The following CLIP1 variants were observed in gnomAD, a reference collection of about 807,000 sequenced individuals.
The protein encoded by CLIP1 is CAP-Gly domain-containing linker protein 1.
A neutral mutation model predicts 161.6 loss-of-function variants in CLIP1; 66 were observed. The observed-to-expected ratio is 0.41, with a 90% CI of 0.33 to 0.50. CLIP1 has a LOEUF of 0.50. Ranked by LOEUF, CLIP1 falls within the 20% of genes least tolerant of loss-of-function variation. The probability of loss-of-function intolerance (pLI) is 0.27; values close to 1 mark genes in which losing one functional copy is unlikely to be tolerated. For synonymous variants in CLIP1, 598 were observed against 626.2 expected (o/e 0.96, Z 0.67); for missense variants, 1,376 against 1,702.0 (o/e 0.81, Z 3.37).
intron 15 of CLIP1, among the ~76,000 whole-genome samples, chr12:122,332,042 A>T (rs1216977710): frequency 1.3e-5 from 2 of 152,032 alleles, no homozygotes; most frequent in African/African-American, 4.8e-5. Flanking sequence ...ACGGTGGCTC[A>T]TGCCTGTAAT....
At chr12:122,380,261 T>C in intron 2 of CLIP1, 107 bp downstream of exon 2, 1 of 708,796 alleles carries the variant, frequency 1.4e-6, no homozygotes, top group Non-Finnish European at 2.2e-6. Context: ...AAAAAAATCT[T>C]TCAAATATTT....
At chr12:122,371,694 A>T (rs1469850845) in intron 3 of CLIP1, among the ~76,000 whole-genome samples, 2 of 152,154 alleles carry the variant, frequency 1.3e-5, no homozygotes, top group African/African-American at 4.8e-5. Context: ...GGCGAGGAGG[A>T]TGGACAGTGA....
intron 24 of CLIP1, chr12:122,276,708 T>C (rs1025338180): frequency 1.3e-4 from 37 of 275,300 alleles, no homozygotes; most frequent in Non-Finnish European, 2.3e-4. Flanking sequence ...GACTAATACA[T>C]ACAAAGTATA....
intron 21 of CLIP1, among the ~76,000 whole-genome samples, chr12:122,286,664 A>G (rs1414375197): frequency 6.6e-6 from 1 of 151,986 alleles, no homozygotes; most frequent in African/African-American, 2.4e-5. Flanking sequence ...AAAAAAGGAA[A>G]GGCAGCCTGG....
intron 5 of CLIP1, among the ~76,000 whole-genome samples, chr12:122,358,251 AAG>A (rs1953591321): frequency 6.6e-6 from 1 of 151,276 alleles, no homozygotes; most frequent in South Asian, 2.1e-4. Context: ...CATGCTCGTT[AAG>A]AGTCATCACC....
At chr12:122,330,937 ACCAGACTGC>A (rs1951931455) in intron 15 of CLIP1, among the ~76,000 whole-genome samples, 1 of 151,802 alleles carries the variant, frequency 6.6e-6, no homozygotes, top group Admixed American at 6.6e-5. Flanking sequence ...GGGCTCTGGG[ACCAGACTGC>A]CCAGATCTGA....
chr12:122,393,140 A>G (rs1955734592), intron 1 of CLIP1, among the ~76,000 whole-genome samples: 3 of 151,664 alleles, frequency 2.0e-5, no homozygotes. Context: ...CCCTGTGGCT[A>G]AAATTCACTG....
Position 122,361,001 on chromosome 12 carries a change from T to C in CLIP1, c.963A>G (p.Ser321=). The change falls in exon 5 of 26, where the codon TCA becomes TCG. Residue 321 remains serine, a synonymous_variant. Coordinates refer to ENST00000620786, the MANE Select transcript of CLIP1 (RefSeq NM_001247997.2). ...GCCTGCTGCTCACAGAGGAGGCCAC[T>C]GAGCTCATGGAGCTGAGGGAAGAGG... ...PSASSLSSMS[S]VASSVSSRPS... is the part of the protein sequence containing the mutation. 6.2e-7 allele frequency: 1 copy of C among 1,614,106 alleles called. No homozygotes were observed. Among genetic ancestry groups the C allele is most frequent in the Non-Finnish European group, 8.5e-7 (1 of 1,180,032 alleles).
At chr12:122,299,343 C>T (rs1219508899) in intron 20 of CLIP1, among the ~76,000 whole-genome samples, 1 of 151,860 alleles carries the variant, frequency 6.6e-6, no homozygotes, top group Non-Finnish European at 1.5e-5. Context: ...AGGAAGGTCT[C>T]AAACAAGAAA....
chr12:122,343,685 A>G (rs1240353854), intron 10 of CLIP1: 1 of 152,236 alleles, frequency 6.6e-6, no homozygotes, highest in East Asian at 1.9e-4. Context: ...GCTCCGGGAT[A>G]GTACCCAAGA....
chr12:122,381,632 T>C (rs1006664080), intron 1 of CLIP1, among the ~76,000 whole-genome samples: 4 of 152,196 alleles, frequency 2.6e-5, no homozygotes, highest in Non-Finnish European at 5.9e-5. Flanking sequence ...CAAATGACAA[T>C]GTTCTGCATT....
intron 5 of CLIP1, among the ~76,000 whole-genome samples, chr12:122,359,592 G>A (rs1171443072): frequency 6.6e-6 from 1 of 152,144 alleles, no homozygotes; most frequent in East Asian, 1.9e-4. Flanking sequence ...TCTCATAAAA[G>A]TAATTTTTCT....
chr12:122,358,360 T>C (rs2136536366), intron 5 of CLIP1, among the ~76,000 whole-genome samples: 1 of 151,550 alleles, frequency 6.6e-6, no homozygotes, highest in East Asian at 1.9e-4. Context: ...CTTGTTTATC[T>C]GCTGACCTTC....
intron 1 of CLIP1, among the ~76,000 whole-genome samples, chr12:122,391,774 T>C (rs1444342720): frequency 1.3e-5 from 2 of 152,152 alleles, no homozygotes; most frequent in Non-Finnish European, 2.9e-5. Flanking sequence ...TTAGATACTG[T>C]CATAGCCTCA....
At chr12:122,275,788 A>G (rs1955401778) in intron 24 of CLIP1, 2 of 152,192 alleles carry the variant, frequency 1.3e-5, no homozygotes, top group South Asian at 2.1e-4. Flanking sequence ...TCATTTATCA[A>G]CTGACTGATA....
Position 122,355,284 on chromosome 12 carries a change from C to T in CLIP1, c.1034G>A (p.Arg345Lys), listed in dbSNP as rs1953275289. The T allele has an allele frequency of 6.2e-7, 1 of 1,614,034 alleles. No individual in the cohort carries two copies. Residue 345 changes from arginine to lysine, a missense_variant, in exon 6 of 26, where the codon AGG becomes AAG. Arg to Lys is a conservative substitution (Grantham distance 26). Around this residue, in one of 6 missense-constraint regions of CLIP1, gnomAD observed 211 missense variants for 295.1 expected, o/e 0.72. Transcript: ENST00000620786. This position sits in a 1 kb window ranked among gnomAD's most constrained non-coding sequence, Gnocchi z 4.1. The part of the protein sequence containing the change: ...LLTETSSRYA[R>K]KISGTTALQE... ...GAGGGCAGTGGTACCGGAGATCTTCCTGGCGTAACGGGAGGAGGTTTCAGT... is the reference window on the plus strand; with the variant it reads ...GAGGGCAGTGGTACCGGAGATCTTCTTGGCGTAACGGGAGGAGGTTTCAGT...
Position 122,341,762 on chromosome 12 carries a change from C to CCTTTTTTTTTTT in CLIP1, c.1507-66_1507-65insAAAAAAAAAAAG, listed in dbSNP as rs1566143047. 10 of 96,030 alleles carry CCTTTTTTTTTTT rather than the reference C, an allele frequency of 1.0e-4. 1 individual carries two copies. The highest frequency in any genetic ancestry group is 3.6e-4 in the East Asian group (2 of 5,584). The allele number at this position is 96,030 out of a possible 1,614,324, so 5.9% of individuals were successfully genotyped here. ...AACAAGTCATTGACTATTTTCTTTT[C>CCTTTTTTTTTTT]TTTTTTTTTTTTTTTTTTTTTTTTT... On this transcript the variant is annotated intron_variant, in intron 10 of 25. Transcript: ENST00000620786.
chr12:122,384,993 C>T (rs959057615), intron 1 of CLIP1, among the ~76,000 whole-genome samples: 26 of 146,766 alleles, frequency 1.8e-4, no homozygotes, highest in African/African-American at 5.3e-4. Context: ...AGTGCAGTGG[C>T]GCAATCTCAG....
At chr12:122,376,980 C>G (rs918060223) in intron 3 of CLIP1, among the ~76,000 whole-genome samples, 2 of 151,534 alleles carry the variant, frequency 1.3e-5, no homozygotes, top group Non-Finnish European at 1.5e-5. Context: ...AGACTCTGAG[C>G]CAAGGAGTAT....
Sources: allele counts gnomAD v4.1 joint callset (sites outside exome capture counted in the v4.1 genomes callset), GRCh38; gene constraint gnomAD v4.1.1; regional missense constraint gnomAD v4.1.1; non-coding constraint Gnocchi (gnomAD v3.1); transcripts MANE v1.5; gene names NCBI Gene and HGNC (gene_info 2026-07-23, HGNC 2026-07-21).